The following COL10A1 variants were observed in gnomAD, a reference collection of about 807,000 sequenced individuals.
The protein encoded by COL10A1 is collagen alpha-1(X) chain.
A neutral mutation model predicts 18.2 loss-of-function variants in COL10A1; 10 were observed. The ratio of observed to expected loss-of-function variants is 0.55; its 90% CI spans 0.34 to 0.93. COL10A1 has a LOEUF of 0.93. COL10A1 is among the 40% of genes least tolerant of loss of function. COL10A1 has a pLI of 0.02. For missense variants in COL10A1, 897 were observed against 853.5 expected (o/e 1.05, Z -0.64); for synonymous variants, 330 against 316.6 (o/e 1.04, Z -0.45).
At chr6:116,147,273 C>T (rs1298316225) in intron 1 of COL10A1, among the ~76,000 whole-genome samples, 2 of 151,728 alleles carry the variant, frequency 1.3e-5, no homozygotes, top group Non-Finnish European at 2.9e-5. Flanking sequence ...GAAATCCCGA[C>T]TCTACTAAAA....
intron 1 of COL10A1, among the ~76,000 whole-genome samples, chr6:116,140,832 C>G (rs990356371): frequency 7.9e-5 from 12 of 152,106 alleles, no homozygotes; most frequent in African/African-American, 2.4e-4. Context: ...TCATTTTTCA[C>G]TGCTCTGTAG....
chr6:116,156,315 T>A (rs577473881), intron 1 of COL10A1, among the ~76,000 whole-genome samples: 70 of 152,174 alleles, frequency 4.6e-4, no homozygotes, highest in Non-Finnish European at 7.4e-4. Context: ...TTAAAAAAAA[T>A]TTTTTTTAGG....
the COL10A1 span, among the ~76,000 whole-genome samples, chr6:116,180,819 A>G: frequency 6.6e-6 from 1 of 152,212 alleles, no homozygotes; most frequent in East Asian, 1.9e-4. Context: ...ACTGTAGGTT[A>G]GAGGACATTT....
At chr6:116,206,325 T>C in the COL10A1 span, among the ~76,000 whole-genome samples, 1 of 152,014 alleles carries the variant, frequency 6.6e-6, no homozygotes, top group Admixed American at 6.6e-5. Flanking sequence ...TTCACATATA[T>C]CATTGCATAT....
upstream of COL10A1, among the ~76,000 whole-genome samples, chr6:116,162,556 G>A (rs758670028): frequency 5.9e-5 from 9 of 152,070 alleles, no homozygotes; most frequent in Non-Finnish European, 1.0e-4. Context: ...TTTTAATTCT[G>A]TTTATGTGGT....
At chr6:116,167,076 C>G in the COL10A1 span, among the ~76,000 whole-genome samples, 1 of 152,054 alleles carries the variant, frequency 6.6e-6, no homozygotes, top group African/African-American at 2.4e-5. Flanking sequence ...TAAAACTATT[C>G]AGAGCATGTG....
rs1779298858 is a variant in COL10A1, at chr6:116,126,109, G to C, written c.-72C>G. The C allele has an allele frequency of 6.5e-6, 1 of 154,466 alleles. No homozygotes were observed. The highest frequency in any genetic ancestry group is 1.4e-5 in the Non-Finnish European group (1 of 69,884). The allele number at this position is 154,466 out of a possible 1,614,324, so 9.6% of individuals were successfully genotyped here. On this transcript the variant is annotated 5_prime_UTR_variant, in exon 1 of 3. Transcript: ENST00000651968. ...TTGGCAGCTTTCTGAAGCTTCCTCTGCCCAGATGAGCAGTGCAGAAGGTGC... is the reference window on the plus strand; with the variant it reads ...TTGGCAGCTTTCTGAAGCTTCCTCTCCCCAGATGAGCAGTGCAGAAGGTGC...
the COL10A1 span, among the ~76,000 whole-genome samples, chr6:116,196,752 A>G: frequency 6.6e-6 from 1 of 151,748 alleles, no homozygotes; most frequent in Non-Finnish European, 1.5e-5. Context: ...CGGTGTTGGG[A>G]ATGCTGGCTC....
chr6:116,205,159 T>G, the COL10A1 span, among the ~76,000 whole-genome samples: 1 of 151,962 alleles, frequency 6.6e-6, no homozygotes, highest in African/African-American at 2.4e-5. Context: ...TCTTTTCTGC[T>G]TATCATTACA....
the COL10A1 span, among the ~76,000 whole-genome samples, chr6:116,177,159 T>C: frequency 6.6e-6 from 1 of 152,222 alleles, no homozygotes; most frequent in Non-Finnish European, 1.5e-5. Context: ...AAAAATTAAG[T>C]CTTTTGTTAC....
chr6:116,201,842 C>G, the COL10A1 span, among the ~76,000 whole-genome samples: 1 of 151,984 alleles, frequency 6.6e-6, no homozygotes, highest in African/African-American at 2.4e-5. Flanking sequence ...ATTGCCTCTA[C>G]TTTTTTAAAT....
the COL10A1 span, among the ~76,000 whole-genome samples, chr6:116,176,977 G>A: frequency 1.3e-5 from 2 of 152,104 alleles, no homozygotes; most frequent in African/African-American, 4.8e-5. Flanking sequence ...TTTTAATACA[G>A]TTCTTTATCT....
chr6:116,129,528 C>T (rs1255213776), upstream of COL10A1, among the ~76,000 whole-genome samples: 3 of 152,154 alleles, frequency 2.0e-5, no homozygotes, highest in African/African-American at 4.8e-5. Context: ...GAAGCAAGCT[C>T]GGCCCCCTTT....
the COL10A1 span, among the ~76,000 whole-genome samples, chr6:116,191,013 A>G: frequency 6.6e-6 from 1 of 151,990 alleles, no homozygotes; most frequent in Admixed American, 6.6e-5. Flanking sequence ...TGAGGCTCAG[A>G]GGCCTCAAGT....
chr6:116,210,851 A>G, the COL10A1 span, among the ~76,000 whole-genome samples: 1 of 152,174 alleles, frequency 6.6e-6, no homozygotes, highest in South Asian at 2.1e-4. Flanking sequence ...AGAGTTAGAT[A>G]TGAACAGAAA....
At chr6:116,193,604 TG>T in the COL10A1 span, among the ~76,000 whole-genome samples, 1 of 152,120 alleles carries the variant, frequency 6.6e-6, no homozygotes. Flanking sequence ...ACACAGAATA[TG>T]TCTCATCTCT....
intron 1 of COL10A1, among the ~76,000 whole-genome samples, chr6:116,150,419 G>A (rs1031246482): frequency 6.6e-6 from 1 of 151,944 alleles, no homozygotes; most frequent in African/African-American, 2.4e-5. Context: ...CAAGTAGCTG[G>A]GGCTACAGGT....
At chr6:116,193,071 G>A in the COL10A1 span, among the ~76,000 whole-genome samples, 5 of 152,166 alleles carry the variant, frequency 3.3e-5, no homozygotes, top group East Asian at 3.9e-4. Context: ...GAATAGCTCC[G>A]TGCCTTACAG....
chr6:116,135,088 A>G (rs938861449), intron 1 of COL10A1, among the ~76,000 whole-genome samples: 1 of 152,196 alleles, frequency 6.6e-6, no homozygotes, highest in Admixed American at 6.5e-5. Flanking sequence ...CAACTCTTCA[A>G]TGTATTAAAA....
Sources: allele counts gnomAD v4.1 joint callset (sites outside exome capture counted in the v4.1 genomes callset), GRCh38; gene constraint gnomAD v4.1.1; transcripts MANE v1.5; gene names NCBI Gene and HGNC (gene_info 2026-07-23, HGNC 2026-07-21).